CAMK1D: variants seen among roughly 807,000 people sequenced by gnomAD.
The protein encoded by CAMK1D is calcium/calmodulin-dependent protein kinase type 1D.
Under a neutral mutation model 47.7 loss-of-function variants are expected in CAMK1D, and 9 were observed. That is an observed-to-expected ratio of 0.19 (90% CI 0.11 to 0.33). The LOEUF is 0.33. Among genes scored for constraint, CAMK1D ranks in the 10% least tolerant of loss-of-function variants. The probability of loss-of-function intolerance (pLI) is 1.00; values close to 1 mark genes in which losing one functional copy is unlikely to be tolerated. For synonymous variants in CAMK1D, 184 were observed against 184.9 expected, an observed-to-expected ratio of 0.99 and a Z score of 0.04; for missense variants, 291 against 488.7, an observed-to-expected ratio of 0.60 and a Z score of 3.81.
At chr10:12,577,962 C>T (rs541727561) in intron 2 of CAMK1D, among the ~76,000 whole-genome samples, 1 of 152,384 alleles carries the variant, frequency 6.6e-6, no homozygotes, top group South Asian at 2.1e-4. Flanking sequence ...TCAATGCTAA[C>T]AGTAATATTG....
At chr10:12,556,841 T>C (rs1836777290) in intron 2 of CAMK1D, among the ~76,000 whole-genome samples, 1 of 152,046 alleles carries the variant, frequency 6.6e-6, no homozygotes, top group Non-Finnish European at 1.5e-5. Context: ...GCCAGGACTC[T>C]ATGTATGTAG....
chr10:12,666,233 C>G (rs138775374), intron 2 of CAMK1D, among the ~76,000 whole-genome samples: 6 of 151,850 alleles, frequency 4.0e-5, no homozygotes, highest in Non-Finnish European at 7.4e-5. Flanking sequence ...TTTCCTTACA[C>G]TGGACCCATG....
intron 8 of CAMK1D, among the ~76,000 whole-genome samples, chr10:12,820,114 A>G (rs1233818514): frequency 6.6e-6 from 1 of 152,218 alleles, no homozygotes; most frequent in Non-Finnish European, 1.5e-5. Context: ...ATCTCGGCTC[A>G]CTGCAACCTC....
intron 2 of CAMK1D, among the ~76,000 whole-genome samples, chr10:12,653,425 A>G (rs559499489): frequency 7.2e-5 from 11 of 152,376 alleles, no homozygotes; most frequent in African/African-American, 2.6e-4. Flanking sequence ...AAAAACACAC[A>G]TACAATGAAC....
At chr10:12,396,246 G>T (rs567065394) in intron 1 of CAMK1D, among the ~76,000 whole-genome samples, 2 of 152,288 alleles carry the variant, frequency 1.3e-5, no homozygotes, top group African/African-American at 4.8e-5. Context: ...AGTGAATTTG[G>T]AAGGTCAGCC....
At chr10:12,545,891 G>T (rs1188360877) in intron 1 of CAMK1D, among the ~76,000 whole-genome samples, 1 of 152,122 alleles carries the variant, frequency 6.6e-6, no homozygotes, top group Non-Finnish European at 1.5e-5. Flanking sequence ...GGCAGAACTT[G>T]AACAAAGGCC....
At chr10:12,401,076 AAT>A (rs1425812139) in intron 1 of CAMK1D, among the ~76,000 whole-genome samples, 2 of 94,314 alleles carry the variant, frequency 2.1e-5, no homozygotes, top group African/African-American at 8.7e-5. Context: ...TTATATATAT[AAT>A]ATATGTATTA....
intron 1 of CAMK1D, among the ~76,000 whole-genome samples, chr10:12,440,937 G>A (rs1208239395): frequency 6.6e-6 from 1 of 152,192 alleles, no homozygotes; most frequent in African/African-American, 2.4e-5. Flanking sequence ...CCCCTAAAGT[G>A]GGCCAAAAAG....
intron 2 of CAMK1D, among the ~76,000 whole-genome samples, chr10:12,557,032 AGGAGGGC>A (rs1836783607): frequency 6.6e-6 from 1 of 152,202 alleles, no homozygotes; most frequent in Non-Finnish European, 1.5e-5. Context: ...GGAGGATTCC[AGGAGGGC>A]TGCCGAGTTT....
intron 2 of CAMK1D, among the ~76,000 whole-genome samples, chr10:12,613,026 C>G (rs951091427): frequency 6.6e-6 from 1 of 152,054 alleles, no homozygotes; most frequent in African/African-American, 2.4e-5. Context: ...TGCCTCTGTC[C>G]CTCGATCATT....
intron 1 of CAMK1D, among the ~76,000 whole-genome samples, chr10:12,505,894 T>A (rs1372167046): frequency 2.0e-5 from 3 of 152,290 alleles, no homozygotes; most frequent in African/African-American, 7.2e-5. Context: ...CTTGTTCCAG[T>A]CCTCCGCACA....
At chr10:12,412,820 C>T (rs1272686648) in intron 1 of CAMK1D, among the ~76,000 whole-genome samples, 1 of 152,170 alleles carries the variant, frequency 6.6e-6, no homozygotes, top group East Asian at 1.9e-4. Context: ...TTTCTAGCCC[C>T]TTCCCTCTGC....
chr10:12,483,358 G>A (rs908452417), intron 1 of CAMK1D, among the ~76,000 whole-genome samples: 5 of 151,894 alleles, frequency 3.3e-5, no homozygotes, highest in Non-Finnish European at 7.4e-5. Context: ...GCACCACCAC[G>A]CCTGGCTAAC....
chr10:12,538,326 G>A (rs999538808), intron 1 of CAMK1D, among the ~76,000 whole-genome samples: 21 of 152,154 alleles, frequency 1.4e-4, no homozygotes, highest in African/African-American at 4.1e-4. Context: ...TGACCCTCGC[G>A]TTTATAAGAG....
At chr10:12,541,682 A>G (rs1004754230) in intron 1 of CAMK1D, among the ~76,000 whole-genome samples, 1 of 151,696 alleles carries the variant, frequency 6.6e-6, no homozygotes, top group African/African-American at 2.4e-5. Flanking sequence ...GTTATGGTCC[A>G]TTCGGATTCT....
chr10:12,476,061 G>A lies in CAMK1D; in HGVS notation c.93-77164G>A, dbSNP rs990332314. Among the ~76,000 whole-genome samples the A allele has an allele frequency of 2.7e-5, 4 of 148,652 alleles. 1 individual carries two copies. Among genetic ancestry groups the A allele is most frequent in the East Asian group, 3.9e-4 (2 of 5,182 alleles). On this transcript the variant is annotated intron_variant, in intron 1 of 10. Transcript: ENST00000619168. Reference sequence around the variant, plus strand: ...TAATTCCAGCAGTTAGGGAGGCCGAGGGGGGGCGGATCACGAGTTCAGGAG... The same window carrying A: ...TAATTCCAGCAGTTAGGGAGGCCGAAGGGGGGCGGATCACGAGTTCAGGAG...
chr10:12,681,220 C>A (rs1405220916), intron 3 of CAMK1D, among the ~76,000 whole-genome samples: 2 of 152,246 alleles, frequency 1.3e-5, no homozygotes, highest in Non-Finnish European at 2.9e-5. Flanking sequence ...TGATCGCCAC[C>A]ACTCCGTGTC....
At chr10:12,372,465 T>C (rs1177790481) in intron 1 of CAMK1D, among the ~76,000 whole-genome samples, 2 of 152,198 alleles carry the variant, frequency 1.3e-5, no homozygotes, top group African/African-American at 4.8e-5. Context: ...AGCCATTGGT[T>C]TTCCTTGCCC....
chr10:12,793,960 A>C (rs1259917629), intron 6 of CAMK1D, among the ~76,000 whole-genome samples: 1 of 152,218 alleles, frequency 6.6e-6, no homozygotes, highest in African/African-American at 2.4e-5. Context: ...ACAAAGAGAG[A>C]CTGATTAGAA....
Sources: allele counts gnomAD v4.1 joint callset (sites outside exome capture counted in the v4.1 genomes callset), GRCh38; gene constraint gnomAD v4.1.1; transcripts MANE v1.5; gene names NCBI Gene and HGNC (gene_info 2026-07-23, HGNC 2026-07-21).